OPCML: variants seen among roughly 807,000 people sequenced by gnomAD.
OPCML encodes the protein opioid-binding protein/cell adhesion molecule.
OPCML carries 13 observed loss-of-function variants against 37.8 expected under a neutral mutation model. The observed-to-expected ratio is 0.34, with a 90% CI of 0.22 to 0.55. The LOEUF (loss-of-function observed/expected upper bound fraction) is 0.55. Ranked by LOEUF, OPCML falls within the 20% of genes least tolerant of loss-of-function variation. The pLI is 0.91. For missense variants in OPCML, 341 were observed against 435.6 expected (o/e 0.78, Z 1.93); for synonymous variants, 176 against 168.8 (o/e 1.04, Z -0.33).
chr11:132,642,116 C>T (rs1163635930), intron 3 of OPCML, among the ~76,000 whole-genome samples: 1 of 152,146 alleles, frequency 6.6e-6, no homozygotes, highest in Non-Finnish European at 1.5e-5. Flanking sequence ...AAGACACAGA[C>T]TTGGGGAGGT....
chr11:132,906,149 G>A (rs1409606819), intron 2 of OPCML, among the ~76,000 whole-genome samples: 1 of 152,090 alleles, frequency 6.6e-6, no homozygotes, highest in Non-Finnish European at 1.5e-5. Flanking sequence ...TAGAATGGGG[G>A]CACCTTTCAT....
chr11:132,738,041 G>A (rs929744719), intron 2 of OPCML, among the ~76,000 whole-genome samples: 1 of 152,140 alleles, frequency 6.6e-6, no homozygotes, highest in African/African-American at 2.4e-5. Context: ...CTCTCCCCCT[G>A]TAGGACACCT....
intron 4 of OPCML, among the ~76,000 whole-genome samples, chr11:132,454,688 CAG>C (rs2096077086): frequency 6.6e-6 from 1 of 152,286 alleles, no homozygotes; most frequent in East Asian, 1.9e-4. Context: ...TTGCCCATTA[CAG>C]AGAGGAGAGA....
chr11:132,958,610 G>C lies in OPCML; in HGVS notation c.62-15600C>G, dbSNP rs575675187. Among the ~76,000 whole-genome samples, 26 of 152,264 alleles carry C rather than the reference G, an allele frequency of 1.7e-4. No individual in the cohort carries two copies. The South Asian group carries it at 5.4e-3, about 32-fold the overall frequency. On this transcript the variant is annotated intron_variant, in intron 1 of 7. Transcript: ENST00000524381. ...AAGCTTAAGGACAGGCTGACTCTCC[G>C]GTTAGGAGCTAATACAGCTGTTGAC...
Position 132,840,995 on chromosome 11 carries a change from T to C in OPCML, c.146+101931A>G, listed in dbSNP as rs957411142. On this transcript the variant is annotated intron_variant, in intron 2 of 7. Transcript: ENST00000524381. ...CTCAGGGGCTGTGTGATCTTAGGGA[T>C]GTTCTGTAACTTCTCTAACCTCAGA... Among the ~76,000 whole-genome samples the C allele has an allele frequency of 2.6e-5, 4 of 152,234 alleles. 1 individual carries two copies. In the South Asian group the frequency reaches 8.3e-4, roughly 32 times the overall value.
At chr11:132,645,236 C>G (rs556097416) in intron 3 of OPCML, among the ~76,000 whole-genome samples, 133 of 152,336 alleles carry the variant, frequency 8.7e-4, no homozygotes, top group South Asian at 4.3e-3. Context: ...GTTTTCAATG[C>G]TACAGTGTAC....
At chr11:133,035,141 A>C (rs1947754906) in intron 1 of OPCML, among the ~76,000 whole-genome samples, 1 of 152,176 alleles carries the variant, frequency 6.6e-6, no homozygotes, top group South Asian at 2.1e-4. Flanking sequence ...GTTGATATGC[A>C]GTCTTGCTCA....
At chr11:133,187,800 C>A (rs1009115378) in intron 1 of OPCML, among the ~76,000 whole-genome samples, 17 of 152,176 alleles carry the variant, frequency 1.1e-4, no homozygotes, top group African/African-American at 3.4e-4. Context: ...TTTCATGGAT[C>A]TTTGTAATAT....
intron 2 of OPCML, among the ~76,000 whole-genome samples, chr11:132,735,003 AC>A (rs1407433869): frequency 6.6e-6 from 1 of 152,206 alleles, no homozygotes; most frequent in Non-Finnish European, 1.5e-5. Flanking sequence ...AATCTATCTA[AC>A]TAGGTGATCT....
intron 1 of OPCML, among the ~76,000 whole-genome samples, chr11:133,482,745 T>C (rs538058883): frequency 1.6e-4 from 24 of 152,266 alleles, no homozygotes; most frequent in African/African-American, 5.1e-4. Flanking sequence ...ATAAAGCTTG[T>C]TATCTATTTT....
chr11:132,422,483 G>A (rs1177004596), intron 7 of OPCML, among the ~76,000 whole-genome samples: 1 of 152,180 alleles, frequency 6.6e-6, no homozygotes, highest in South Asian at 2.1e-4. Context: ...CTTCTGTTGA[G>A]CATTCTCAAG....
intron 1 of OPCML, among the ~76,000 whole-genome samples, chr11:133,476,315 G>A (rs1385417076): frequency 6.6e-6 from 1 of 152,058 alleles, no homozygotes; most frequent in East Asian, 1.9e-4. Context: ...TGATTGGGGT[G>A]CACAGAGAGA....
At chr11:132,659,641 G>A (rs1181358046) in intron 2 of OPCML, among the ~76,000 whole-genome samples, 1 of 151,982 alleles carries the variant, frequency 6.6e-6, no homozygotes, top group Non-Finnish European at 1.5e-5. Flanking sequence ...CAATTGAAAA[G>A]GATGATTTTT....
At chr11:132,821,492 C>A (rs1273430315) in intron 2 of OPCML, among the ~76,000 whole-genome samples, 1 of 152,222 alleles carries the variant, frequency 6.6e-6, no homozygotes, top group Non-Finnish European at 1.5e-5. Flanking sequence ...AGAAACAGCC[C>A]ATTTAATGTG....
Position 132,944,089 on chromosome 11 carries a change from C to T in OPCML, c.62-1079G>A, listed in dbSNP as rs557025976. 6.9e-4 allele frequency among the ~76,000 whole-genome samples: 105 copies of T among 152,040 alleles called. 2 individuals are homozygous for T. In the East Asian group the frequency reaches 0.017, roughly 25 times the overall value. On this transcript the variant is annotated intron_variant, in intron 1 of 7. Transcript: ENST00000524381. ...GCGCCCACCGGGCTGGGGATGCCTG[C>T]GGGGATGAGCCCGCACCGCGCCCAC...
At chr11:132,468,760 C>A (rs1164124541) in intron 4 of OPCML, among the ~76,000 whole-genome samples, 2 of 152,196 alleles carry the variant, frequency 1.3e-5, no homozygotes, top group Admixed American at 1.3e-4. Context: ...AGCTCTACCT[C>A]TTTCTGGAAG....
At chr11:133,532,189 C>G in intron 1 of OPCML, 75 bp downstream of exon 1, 1 of 1,566,446 alleles carries the variant, frequency 6.4e-7, no homozygotes, top group Non-Finnish European at 8.7e-7. Context: ...GCCTCTCCAT[C>G]TCCCCACTGC....
rs562766375 is a variant in OPCML at position 132,837,144 on chromosome 11, G to A, written c.146+105782C>T. 5.3e-5 allele frequency among the ~76,000 whole-genome samples: 8 copies of A among 152,072 alleles called. No homozygotes were observed. In the South Asian group the frequency reaches 6.3e-4, roughly 12 times the overall value. On this transcript the variant is annotated intron_variant, in intron 2 of 7. Coordinates refer to ENST00000524381, the MANE Select transcript of OPCML (RefSeq NM_001012393.5). Reference sequence around the variant, plus strand: ...AGCCTGACCAACATGGAGAAACCCCGTCTCTACTAAAAATACAAAATTAGC... The same window carrying A: ...AGCCTGACCAACATGGAGAAACCCCATCTCTACTAAAAATACAAAATTAGC...
intron 1 of OPCML, chr11:133,422,999 C>T: frequency 1.9e-5 from 19 of 985,368 alleles, no homozygotes; most frequent in Non-Finnish European, 2.3e-5. Context: ...TGCCTTACTT[C>T]CTTCTTCCTT....
Sources: allele counts gnomAD v4.1 joint callset (sites outside exome capture counted in the v4.1 genomes callset), GRCh38; gene constraint gnomAD v4.1.1; transcripts MANE v1.5; gene names NCBI Gene and HGNC (gene_info 2026-07-23, HGNC 2026-07-21).